ASXL3: variants seen among roughly 807,000 people sequenced by gnomAD.
ASXL3 encodes the protein ASXL transcriptional regulator 3.
ASXL3 carries 34 observed loss-of-function variants against 170.6 expected under a neutral mutation model. The observed-to-expected ratio is 0.20, with a 90% confidence interval of 0.15 to 0.27. ASXL3 has a LOEUF of 0.27. Ranked by LOEUF, ASXL3 falls within the 10% of genes least tolerant of loss-of-function variation. The pLI is 1.00. For missense variants in ASXL3, 2,592 were observed against 2,695.3 expected, an observed-to-expected ratio of 0.96 and a Z score of 0.85; for synonymous variants, 1,002 against 989.1, an observed-to-expected ratio of 1.01 and a Z score of -0.24.
chr18:33,735,773 T>A (rs959382722), intron 10 of ASXL3, among the ~76,000 whole-genome samples: 3 of 136,520 alleles, frequency 2.2e-5, no homozygotes, highest in Admixed American at 2.2e-4. Context: ...TGGTTCTTAA[T>A]TTTTTAGTGA....
At chr18:33,636,356 A>G (rs1027599233) in intron 2 of ASXL3, among the ~76,000 whole-genome samples, 1 of 151,906 alleles carries the variant, frequency 6.6e-6, no homozygotes, top group Admixed American at 6.6e-5. Flanking sequence ...AGCCACAACA[A>G]CAGCCACAAC....
At chr18:33,649,108 GA>G (rs938612779) in intron 4 of ASXL3, among the ~76,000 whole-genome samples, 16 of 151,952 alleles carry the variant, frequency 1.1e-4, no homozygotes, top group Admixed American at 9.9e-4. Context: ...AAAGAATCAA[GA>G]GACAGTTTAA....
chr18:33,667,080 A>G (rs576932508), intron 5 of ASXL3, among the ~76,000 whole-genome samples: 2 of 152,288 alleles, frequency 1.3e-5, no homozygotes, highest in Admixed American at 1.3e-4. Context: ...GGTTTATGTC[A>G]GTGTTGAATG....
chr18:33,607,510 T>C, intron 1 of ASXL3, 84 bp from the exon 2 acceptor site: 1 of 1,109,322 alleles, frequency 9.0e-7, no homozygotes, highest in South Asian at 1.4e-5. Context: ...TCTAATAAAA[T>C]AAGCAGAGAA....
In ASXL3 at chr18:33,670,788, C is replaced by T. The variant is rs1374801296; in HGVS notation, c.593C>T (p.Ser198Leu). The part of the protein sequence containing the change: ...KVSDEQSDSP[S>L]GSESKNGEAD... ...TCTGATGAGCAGTCGGATTCGCCTT[C>T]AGGTAAAGAGCTGAAATATCATATG... Residue 198 changes from serine to leucine, a missense_variant and splice_region_variant, in exon 6 of 12, where the codon TCA (serine) becomes TTA (leucine). By Grantham distance (145) the Ser-to-Leu change is moderately radical. Coordinates refer to ENST00000269197, the MANE Select transcript of ASXL3 (RefSeq NM_030632.3). 6.5e-7 allele frequency: 1 copy of T among 1,535,172 alleles called. No individual in the cohort carries two copies. The highest frequency in any genetic ancestry group is 2.0e-5 in the Admixed American group (1 of 49,706).
intron 4 of ASXL3, among the ~76,000 whole-genome samples, chr18:33,655,587 A>G (rs1198063696): frequency 6.6e-6 from 1 of 152,038 alleles, no homozygotes; most frequent in Non-Finnish European, 1.5e-5. Flanking sequence ...ATCTTGAAAC[A>G]GATGTTTTTA....
At chr18:33,620,524 G>A (rs995651733) in intron 2 of ASXL3, among the ~76,000 whole-genome samples, 3 of 152,178 alleles carry the variant, frequency 2.0e-5, no homozygotes, top group African/African-American at 7.2e-5. Flanking sequence ...AGTTTTTACG[G>A]CTTACTCTGT....
intron 7 of ASXL3, among the ~76,000 whole-genome samples, chr18:33,672,514 A>C (rs2066360200): frequency 6.6e-6 from 1 of 152,198 alleles, no homozygotes; most frequent in Non-Finnish European, 1.5e-5. Context: ...AAAAATAAAC[A>C]TATCCTGGTT....
At chr18:33,622,395 C>T (rs1437040700) in intron 2 of ASXL3, among the ~76,000 whole-genome samples, 3 of 152,214 alleles carry the variant, frequency 2.0e-5, no homozygotes, top group Non-Finnish European at 4.4e-5. Flanking sequence ...AAACCCTTTG[C>T]ATTTAATTTA....
chr18:33,680,932 C>A lies in ASXL3; in HGVS notation c.716-2473C>A, dbSNP rs549876456. Among the ~76,000 whole-genome samples, 7 of 151,756 alleles carry A rather than the reference C, an allele frequency of 4.6e-5. No individual in the cohort carries two copies. The South Asian group carries it at 1.0e-3, about 23-fold the overall frequency. The stretch of plus-strand genomic sequence containing the variant: ...AAATCTAATGTGAAAATCCAGTTAC[C>A]TTTATTGTGATTGTTTTGTGCTTAA... On this transcript the variant is annotated intron_variant, in intron 7 of 11. Coordinates refer to ENST00000269197, the MANE Select transcript of ASXL3 (RefSeq NM_030632.3).
rs1389241545 is a variant in ASXL3 at position 33,646,259 on chromosome 18, A to G, written c.261A>G (p.Ser87=). ...AAATAATACAGAAAGAGGAGTCGTCATGCCCAGCAGATGGCACGTTGGATT... is the reference window on the plus strand; with the variant it reads ...AAATAATACAGAAAGAGGAGTCGTCGTGCCCAGCAGATGGCACGTTGGATT... ...GLYALKKEES[S]CPADGTLDLV... The change falls in exon 4 of 12, where the codon TCA becomes TCG. Residue 87 remains serine, a synonymous_variant. Coordinates refer to ENST00000269197, the MANE Select transcript of ASXL3 (RefSeq NM_030632.3). 1.2e-6 allele frequency: 2 copies of G among 1,611,288 alleles called. No individual in the cohort carries two copies. The highest frequency in any genetic ancestry group is 1.3e-5 in the African/African-American group (1 of 74,902).
At chr18:33,580,994 T>C (rs1234640678) in intron 1 of ASXL3, among the ~76,000 whole-genome samples, 2 of 152,158 alleles carry the variant, frequency 1.3e-5, no homozygotes, top group Non-Finnish European at 2.9e-5. Flanking sequence ...CTAATTCTTA[T>C]TTTGTGAAGA....
chr18:33,617,030 T>C (rs62090659), intron 2 of ASXL3, among the ~76,000 whole-genome samples: 13,716 of 152,230 alleles, frequency 0.09, 705 homozygotes, highest in African/African-American at 0.12. Context: ...ATAGAATTCA[T>C]AGTATAACAT....
intron 8 of ASXL3, among the ~76,000 whole-genome samples, chr18:33,721,272 C>T (rs545055285): frequency 6.6e-6 from 1 of 152,060 alleles, no homozygotes; most frequent in East Asian, 1.9e-4. Context: ...GGATAGTTCT[C>T]GTTCTCTTGA....
At chr18:33,620,834 C>A (rs1009025898) in intron 2 of ASXL3, among the ~76,000 whole-genome samples, 9 of 152,084 alleles carry the variant, frequency 5.9e-5, no homozygotes, top group African/African-American at 2.2e-4. Flanking sequence ...CACCTAATTT[C>A]CCCAACAATT....
chr18:33,713,246 TTG>T (rs1237775447), intron 8 of ASXL3, among the ~76,000 whole-genome samples: 911 of 73,950 alleles, frequency 0.012, 210 homozygotes, highest in African/African-American at 0.026. Context: ...TTGTTTTGTT[TTG>T]TTTTTTTTTT....
At position 33,738,778 on chromosome 18, in the gene ASXL3, A is replaced by G; in HGVS notation, c.1374A>G (p.Val458=). Residue 458 remains valine, a synonymous_variant, in exon 11 of 12, where the codon GTA becomes GTG. Coordinates refer to ENST00000269197, the MANE Select transcript of ASXL3 (RefSeq NM_030632.3). ...SVIQEEIAEE[V]ETSICECQDE... The stretch of plus-strand genomic sequence containing the variant: ...TTCAGGAGGAAATTGCAGAAGAGGT[A>G]GAGACTAGTATCTGTGAATGCCAGG... The G allele has an allele frequency of 6.2e-7, 1 of 1,613,878 alleles. No individual in the cohort carries two copies. The highest frequency in any genetic ancestry group is 8.5e-7 in the Non-Finnish European group (1 of 1,179,840).
At chr18:33,704,367 G>A (rs12956038) in intron 8 of ASXL3, among the ~76,000 whole-genome samples, 106,840 of 151,878 alleles carry the variant, frequency 0.7, 39,197 homozygotes, top group East Asian at 0.98. Context: ...TCCATTATAA[G>A]TACCTATTTT....
At chr18:33,657,271 C>G (rs959847664) in intron 4 of ASXL3, among the ~76,000 whole-genome samples, 5 of 152,148 alleles carry the variant, frequency 3.3e-5, no homozygotes, top group African/African-American at 1.2e-4. Context: ...CCAAGTACAA[C>G]AAACACAGCA....
Sources: allele counts gnomAD v4.1 joint callset (sites outside exome capture counted in the v4.1 genomes callset), GRCh38; gene constraint gnomAD v4.1.1; transcripts MANE v1.5; gene names NCBI Gene and HGNC (gene_info 2026-07-23, HGNC 2026-07-21).